MTCL1: variants seen among roughly 807,000 people sequenced by gnomAD.
MTCL1 encodes the protein microtubule cross-linking factor 1.
Under a neutral mutation model 141.4 loss-of-function variants are expected in MTCL1, and 79 were observed. That is an observed-to-expected ratio of 0.56 (90% CI 0.47 to 0.67). The LOEUF (loss-of-function observed/expected upper bound fraction) is 0.67, where lower values mean the gene tolerates loss of function less well. Among genes scored for constraint, MTCL1 ranks in the 30% least tolerant of loss-of-function variants. The pLI, the probability that MTCL1 is intolerant of heterozygous loss-of-function variation, is 0.00. For synonymous variants in MTCL1, 914 were observed against 875.8 expected, an observed-to-expected ratio of 1.04 and a Z score of -0.77; for missense variants, 2,177 against 2,113.9, an observed-to-expected ratio of 1.03 and a Z score of -0.59.
intron 4 of MTCL1, among the ~76,000 whole-genome samples, chr18:8,762,306 T>A (rs1243453504): frequency 6.6e-6 from 1 of 152,210 alleles, no homozygotes; most frequent in Non-Finnish European, 1.5e-5. Flanking sequence ...GTCTCCATGG[T>A]AAAGCTGCAC....
intron 4 of MTCL1, among the ~76,000 whole-genome samples, chr18:8,776,343 A>G (rs1021045704): frequency 6.6e-6 from 1 of 152,194 alleles, no homozygotes; most frequent in Non-Finnish European, 1.5e-5. Context: ...ATATTCCTCT[A>G]GGATGCTTCT....
Position 8,779,367 on chromosome 18 carries a change from G to A in MTCL1, c.417+1475G>A, listed in dbSNP as rs998648290. 6.6e-5 allele frequency among the ~76,000 whole-genome samples: 10 copies of A among 152,054 alleles called. No individual in the cohort carries two copies. The highest frequency in any genetic ancestry group is 3.9e-4 in the Admixed American group (6 of 15,272). On this transcript the variant is annotated intron_variant, in intron 5 of 16. Transcript: ENST00000359865. This position sits in a 1 kb window ranked among gnomAD's most constrained non-coding sequence, Gnocchi z 4.1. ...TCCTGGGGCTATCCAATGATCTCTC[G>A]AAACCAGAAATGATATGCTTCAGTT...
chr18:8,729,317 A>C lies in MTCL1; in HGVS notation c.357+8821A>C, dbSNP rs149467906. Among the ~76,000 whole-genome samples, 193 of 151,886 alleles carry C rather than the reference A, an allele frequency of 1.3e-3. 1 individual carries two copies. Among genetic ancestry groups the C allele is most frequent in the African/African-American group, 3.5e-3 (143 of 41,420 alleles). ...GGGATCCTCCTGCCTTAGCCTCCCA[A>C]AGTGCTGGGATTACAGGCTTAAGGC... On this transcript the variant is annotated intron_variant, in intron 4 of 16. Coordinates refer to ENST00000359865, the Ensembl canonical transcript of MTCL1.
At chr18:8,717,905 G>A (rs764298118) in exon 2 of MTCL1, 53 of 991,974 alleles carry the variant, frequency 5.3e-5, no homozygotes, top group East Asian at 3.3e-4. Flanking sequence ...TGTGGATAGC[G>A]TCGCTTAGTC....
At chr18:8,744,964 C>T (rs905423369) in intron 4 of MTCL1, among the ~76,000 whole-genome samples, 3 of 152,180 alleles carry the variant, frequency 2.0e-5, no homozygotes, top group African/African-American at 7.2e-5. Context: ...CTGAGCTGTC[C>T]GGCTGTGGCC....
upstream of MTCL1, among the ~76,000 whole-genome samples, chr18:8,714,776 A>T: frequency 6.6e-6 from 1 of 151,870 alleles, no homozygotes; most frequent in Non-Finnish European, 1.5e-5. Flanking sequence ...AAACCATATC[A>T]TATGATCTCT....
exon 15 of MTCL1, chr18:8,826,001 T>C (rs1414997650): frequency 1.2e-6 from 2 of 1,603,728 alleles, no homozygotes; most frequent in African/African-American, 2.7e-5. Flanking sequence ...CTAGCCCCAT[T>C]GGGGTGGGGT....
At chr18:8,760,812 A>G (rs1010769355) in intron 4 of MTCL1, among the ~76,000 whole-genome samples, 1 of 152,224 alleles carries the variant, frequency 6.6e-6, no homozygotes, top group Non-Finnish European at 1.5e-5. Flanking sequence ...ACTCTGTTAG[A>G]AAATCAAAAT....
chr18:8,804,809 G>A lies in MTCL1; in HGVS notation c.2437-2084G>A, dbSNP rs541926956. Among the ~76,000 whole-genome samples the A allele has an allele frequency of 4.6e-5, 7 of 152,190 alleles. No individual in the cohort carries two copies. The South Asian group carries it at 1.5e-3, about 32-fold the overall frequency. On this transcript the variant is annotated intron_variant, in intron 10 of 16. Transcript: ENST00000359865. ...AGTTTGAGACCAGCCTGAGCAACAT[G>A]ATGAAACCTTGTTTCTACAAAAAAT...
intron 9 of MTCL1, among the ~76,000 whole-genome samples, chr18:8,796,825 TGAG>T (rs1282560814): frequency 6.6e-6 from 1 of 152,206 alleles, no homozygotes; most frequent in Non-Finnish European, 1.5e-5. Flanking sequence ...TGTTCATGAG[TGAG>T]GGACTGGCAG....
chr18:8,793,080 AT>A lies in MTCL1; in HGVS notation c.1971del (p.Gln658LysfsTer22). Reference sequence around the variant, plus strand: ...CAGCTCGTGCAGGCGGCCAGACTGCATCAAGAGGAGACAGAGACATTTACAA... The same window carrying A: ...CAGCTCGTGCAGGCGGCCAGACTGCACAAGAGGAGACAGAGACATTTACAA... On this transcript the variant is annotated frameshift_variant, in exon 8 of 17. Coordinates refer to ENST00000359865, the Ensembl canonical transcript of MTCL1. LOFTEE classifies it high-confidence loss of function. 6.2e-7 allele frequency: 1 copy of A among 1,614,194 alleles called. No individual in the cohort carries two copies. Among genetic ancestry groups the A allele is most frequent in the South Asian group, 1.1e-5 (1 of 91,074 alleles).
At chr18:8,772,316 T>C (rs1001584539) in intron 4 of MTCL1, among the ~76,000 whole-genome samples, 4 of 152,216 alleles carry the variant, frequency 2.6e-5, no homozygotes, top group African/African-American at 9.6e-5. Context: ...ACCCAAGAAA[T>C]CGGTGAATAA....
In MTCL1 at chr18:8,796,200, C is replaced by G. The variant is rs547672410; in HGVS notation, c.2011-32C>G. On this transcript the variant is annotated intron_variant, in intron 8 of 16. Coordinates refer to ENST00000359865, the Ensembl canonical transcript of MTCL1. Reference sequence around the variant, plus strand: ...TTTGGGTGGCGGATTGGATTAGCTGCTTGTCACACTGTCTCTCTTATTCCA... The same window carrying G: ...TTTGGGTGGCGGATTGGATTAGCTGGTTGTCACACTGTCTCTCTTATTCCA... The G allele has an allele frequency of 1.9e-5, 31 of 1,608,974 alleles. No individual in the cohort carries two copies. In the South Asian group the frequency reaches 3.2e-4, roughly 17 times the overall value.
chr18:8,755,081 C>A (rs1220639127), intron 4 of MTCL1, among the ~76,000 whole-genome samples: 4 of 152,192 alleles, frequency 2.6e-5, no homozygotes, highest in African/African-American at 9.6e-5. Flanking sequence ...TTGAGTAACA[C>A]CGCCTGTTGC....
intron 4 of MTCL1, among the ~76,000 whole-genome samples, chr18:8,729,890 A>G (rs2096241796): frequency 6.6e-6 from 1 of 151,932 alleles, no homozygotes; most frequent in Non-Finnish European, 1.5e-5. Flanking sequence ...TACATCCTGA[A>G]TATTTTCTCC....
chr18:8,726,636 C>T (rs1396297740), intron 4 of MTCL1, among the ~76,000 whole-genome samples: 3 of 151,226 alleles, frequency 2.0e-5, no homozygotes, highest in Admixed American at 6.6e-5. Context: ...TAGAACATCA[C>T]GCTGAGGGTC....
In MTCL1 at chr18:8,705,705, G is replaced by A; in HGVS notation, c.45G>A (p.Ala15=). 8.3e-7 allele frequency: 1 copy of A among 1,202,662 alleles called. No homozygotes were observed. Among genetic ancestry groups the A allele is most frequent in the Non-Finnish European group, 1.0e-6 (1 of 968,728 alleles). 74.5% of individuals were successfully genotyped at this position (1,202,662 alleles called of 1,614,324 possible). A position where few individuals can be genotyped will look rare whatever the true frequency, so the allele number is the denominator to read the frequency against. Reference sequence around the variant, plus strand: ...CCGCGGGCGGAGGTGCCCCGGACGCGAAGCTGCAGCCGCCCGGCCAGCACC... The same window carrying A: ...CCGCGGGCGGAGGTGCCCCGGACGCAAAGCTGCAGCCGCCCGGCCAGCACC... The change falls in exon 1 of 14, where the codon GCG becomes GCA. Residue 15 remains alanine (A), a synonymous_variant. Transcript: ENST00000306329. This position sits in a 1 kb window ranked among gnomAD's most constrained non-coding sequence, Gnocchi z 5.2.
At chr18:8,820,717 C>G (rs1267665689) in intron 13 of MTCL1, among the ~76,000 whole-genome samples, 1 of 152,088 alleles carries the variant, frequency 6.6e-6, no homozygotes, top group Non-Finnish European at 1.5e-5. Flanking sequence ...GGGTTCCAGC[C>G]CACTGGACCC....
At chr18:8,782,651 T>TA (rs1264925050) in intron 5 of MTCL1, 4 of 152,214 alleles carry the variant, frequency 2.6e-5, no homozygotes, top group Non-Finnish European at 5.9e-5. Flanking sequence ...ATCCAACACT[T>TA]ACCTCCTTGC....
Sources: allele counts gnomAD v4.1 joint callset (sites outside exome capture counted in the v4.1 genomes callset), GRCh38; gene constraint gnomAD v4.1.1; non-coding constraint Gnocchi (gnomAD v3.1); transcripts MANE v1.5; gene names NCBI Gene and HGNC (gene_info 2026-07-23, HGNC 2026-07-21).